PRICKLE2: variants seen among roughly 807,000 people sequenced by gnomAD.
PRICKLE2 encodes the protein prickle-like protein 2.
PRICKLE2 carries 21 observed loss-of-function variants against 81.4 expected under a neutral mutation model. The observed-to-expected ratio is 0.26, with a 90% CI of 0.18 to 0.37. The LOEUF is 0.37. PRICKLE2 is among the 10% of genes least tolerant of loss of function. The probability of loss-of-function intolerance (pLI) is 1.00; values close to 1 mark genes in which losing one functional copy is unlikely to be tolerated. For missense variants in PRICKLE2, 940 were observed against 1,109.0 expected (o/e 0.85, Z 2.16); for synonymous variants, 456 against 421.5 (o/e 1.08, Z -1.00).
At chr3:64,132,559 G>A (rs770633799) in intron 7 of PRICKLE2, among the ~76,000 whole-genome samples, 49 of 152,112 alleles carry the variant, frequency 3.2e-4, no homozygotes, top group Admixed American at 3.3e-4. Flanking sequence ...ACGTACACTG[G>A]GCAACTAGCA....
chr3:64,154,162 G>A (rs1039997792), intron 5 of PRICKLE2: 2 of 152,206 alleles, frequency 1.3e-5, no homozygotes, highest in African/African-American at 4.8e-5. Context: ...GAAAAGAATA[G>A]TTTTCTCAAC....
intron 2 of PRICKLE2, among the ~76,000 whole-genome samples, chr3:64,257,601 C>A (rs918719470): frequency 5.3e-5 from 8 of 152,176 alleles, no homozygotes; most frequent in African/African-American, 1.9e-4. Context: ...ATTACCACAT[C>A]CAGTCCCAGC....
At chr3:64,260,494 G>C (rs946788939) in intron 2 of PRICKLE2, among the ~76,000 whole-genome samples, 1 of 152,162 alleles carries the variant, frequency 6.6e-6, no homozygotes, top group Non-Finnish European at 1.5e-5. Context: ...GCCCTGAAGG[G>C]GCCCCTTTAA....
intron 1 of PRICKLE2, among the ~76,000 whole-genome samples, chr3:64,202,136 T>C (rs1357332183): frequency 2.0e-5 from 3 of 152,238 alleles, no homozygotes; most frequent in South Asian, 2.1e-4. Context: ...ATGACTGCAG[T>C]TCTGCGGTAA....
In PRICKLE2 at chr3:64,094,942, G is replaced by C. The variant is rs886058784; in HGVS notation, c.*4109C>G. 3 of 152,660 alleles carry C rather than the reference G, an allele frequency of 2.0e-5. No homozygotes were observed. Among genetic ancestry groups the C allele is most frequent in the Non-Finnish European group, 2.9e-5 (2 of 68,052 alleles). The allele number at this position is 152,660 out of a possible 1,614,324, so 9.5% of individuals were successfully genotyped here. A position where few individuals can be genotyped will look rare whatever the true frequency, so the allele number is the denominator to read the frequency against. The stretch of plus-strand genomic sequence containing the variant: ...ACAGTTGCTAATAGCAACTGTCCTG[G>C]CATGAAGTATTCAGATAACTGGTTC... On this transcript the variant is annotated 3_prime_UTR_variant, in exon 8 of 8. Transcript: ENST00000638394.
At chr3:64,144,886 T>A (rs1376764570) in intron 7 of PRICKLE2, among the ~76,000 whole-genome samples, 1 of 152,148 alleles carries the variant, frequency 6.6e-6, no homozygotes, top group Admixed American at 6.6e-5. Flanking sequence ...TGCTATAAGT[T>A]TCTAACACTT....
At chr3:64,257,279 T>C (rs2079539873) in intron 2 of PRICKLE2, among the ~76,000 whole-genome samples, 5 of 152,160 alleles carry the variant, frequency 3.3e-5, no homozygotes. Context: ...CTCTGCCAGT[T>C]TGTGCCAACT....
intron 7 of PRICKLE2, among the ~76,000 whole-genome samples, chr3:64,135,575 G>T (rs527917454): frequency 6.6e-6 from 1 of 152,226 alleles, no homozygotes; most frequent in Admixed American, 6.5e-5. Flanking sequence ...TGCCCTGCCT[G>T]TTTGCTCAGC....
chr3:64,231,977 T>C (rs1361262692), intron 2 of PRICKLE2, among the ~76,000 whole-genome samples: 1 of 151,960 alleles, frequency 6.6e-6, no homozygotes, highest in East Asian at 1.9e-4. Context: ...ACCAGGTGTG[T>C]TCCCATTAGG....
chr3:64,119,264 G>A (rs1360810819), intron 7 of PRICKLE2, among the ~76,000 whole-genome samples: 1 of 152,066 alleles, frequency 6.6e-6, no homozygotes, highest in Non-Finnish European at 1.5e-5. Context: ...AATAACTAAC[G>A]GGTACTAGGC....
chr3:64,201,667 C>T (rs772239937), intron 1 of PRICKLE2, among the ~76,000 whole-genome samples: 9 of 152,076 alleles, frequency 5.9e-5, no homozygotes, highest in Non-Finnish European at 7.4e-5. Context: ...GTGATAGGAA[C>T]ATTTTTTCTT....
At chr3:64,100,716 C>T (rs1247899284) in intron 7 of PRICKLE2, 2 of 152,184 alleles carry the variant, frequency 1.3e-5, no homozygotes, top group Non-Finnish European at 2.9e-5. Context: ...TAACTGCTGT[C>T]AAATGAGCTC....
intron 2 of PRICKLE2, among the ~76,000 whole-genome samples, chr3:64,251,329 T>G (rs2079444640): frequency 6.6e-6 from 1 of 152,080 alleles, no homozygotes; most frequent in Non-Finnish European, 1.5e-5. Flanking sequence ...AGCATCTGAG[T>G]GTCAAAAACA....
At chr3:64,143,185 T>A (rs1289593143) in intron 7 of PRICKLE2, among the ~76,000 whole-genome samples, 3 of 152,222 alleles carry the variant, frequency 2.0e-5, no homozygotes, top group Admixed American at 2.0e-4. Flanking sequence ...AAATTTAAAC[T>A]TCAGGCCATT....
At chr3:64,169,110 C>A (rs1237140966) in intron 2 of PRICKLE2, among the ~76,000 whole-genome samples, 2 of 152,134 alleles carry the variant, frequency 1.3e-5, no homozygotes, top group African/African-American at 4.8e-5. Context: ...GCCAATGACA[C>A]GGAAGGGTGT....
At chr3:64,209,341 CCTAT>C (rs1387505280) in intron 1 of PRICKLE2, among the ~76,000 whole-genome samples, 4 of 151,294 alleles carry the variant, frequency 2.6e-5, no homozygotes, top group Admixed American at 6.6e-5. Context: ...TATCCATCCA[CCTAT>C]CTATCCATTC....
chr3:64,132,032 A>G (rs1366063140), intron 7 of PRICKLE2, among the ~76,000 whole-genome samples: 1 of 152,212 alleles, frequency 6.6e-6, no homozygotes, highest in Non-Finnish European at 1.5e-5. Context: ...AGAACTGGAC[A>G]AGTTCTCTCT....
intron 2 of PRICKLE2, among the ~76,000 whole-genome samples, chr3:64,188,691 G>A (rs1364830854): frequency 6.6e-6 from 1 of 152,194 alleles, no homozygotes; most frequent in Non-Finnish European, 1.5e-5. Flanking sequence ...CTCTAAATCA[G>A]GGGTCTGTGT....
At chr3:64,246,894 T>C (rs996472501) in intron 2 of PRICKLE2, among the ~76,000 whole-genome samples, 3 of 152,236 alleles carry the variant, frequency 2.0e-5, no homozygotes, top group African/African-American at 7.2e-5. Flanking sequence ...TCCTGCCTTC[T>C]AATACACTGA....
Sources: gnomAD v4.1 joint callset for allele counts (sites outside exome capture counted in the v4.1 genomes callset) on GRCh38, gnomAD v4.1.1 for gene constraint, MANE v1.5 for transcripts, NCBI Gene and HGNC (gene_info 2026-07-23, HGNC 2026-07-21) for gene names.